CCDC171: variants seen among roughly 807,000 people sequenced by gnomAD.
The protein encoded by CCDC171 is coiled-coil domain-containing protein 171.
Under a neutral mutation model 168.2 loss-of-function variants are expected in CCDC171, and 177 were observed. That is an observed-to-expected ratio of 1.05 (90% CI 0.93 to 1.19). CCDC171 has a LOEUF of 1.19. Ranked by LOEUF, CCDC171 falls within the 50% of genes most tolerant of loss-of-function variation. The pLI is 0.00. For missense variants in CCDC171, 1,991 were observed against 1,539.0 expected (o/e 1.29, Z -4.91); for synonymous variants, 687 against 540.8 (o/e 1.27, Z -3.75).
At chr9:15,813,703 A>T (rs2059450006) in intron 21 of CCDC171, among the ~76,000 whole-genome samples, 1 of 151,974 alleles carries the variant, frequency 6.6e-6, no homozygotes, top group Non-Finnish European at 1.5e-5. Context: ...AGATCTACCT[A>T]TTTATTATTT....
At chr9:16,096,674 G>C in the CCDC171 span, among the ~76,000 whole-genome samples, 15,136 of 152,206 alleles carry the variant, frequency 0.099, 1,711 homozygotes, top group African/African-American at 0.28. Context: ...TACTGCCTCT[G>C]TTCAGTGGGG....
rs74336370 is a variant in CCDC171 at position 15,714,182 on chromosome 9, A to G, written c.1319-7587A>G. ...AGGAATCACCATGCCTTTATCTTTC[A>G]ATCCTTTAAAAGGCAGTAATCTCTA... On this transcript the variant is annotated intron_variant, in intron 11 of 25. Transcript: ENST00000380701. Among the ~76,000 whole-genome samples the G allele has an allele frequency of 8.9e-3, 1,358 of 152,288 alleles. 16 individuals carry two copies. Among genetic ancestry groups the G allele is most frequent in the African/African-American group, 0.031 (1,298 of 41,548 alleles).
chr9:15,818,966 G>A (rs2059661160), intron 21 of CCDC171, among the ~76,000 whole-genome samples: 1 of 117,320 alleles, frequency 8.5e-6, no homozygotes, highest in Non-Finnish European at 1.9e-5. Flanking sequence ...ACCCACAAAG[G>A]GAAGCCCATC....
intron 23 of CCDC171, among the ~76,000 whole-genome samples, chr9:15,859,505 C>T (rs925319627): frequency 6.6e-6 from 1 of 151,756 alleles, no homozygotes; most frequent in Non-Finnish European, 1.5e-5. Flanking sequence ...TCAGTAAAGC[C>T]ACCTGGTCCT....
At chr9:15,674,779 A>G (rs2049392301) in intron 9 of CCDC171, among the ~76,000 whole-genome samples, 1 of 152,150 alleles carries the variant, frequency 6.6e-6, no homozygotes, top group Admixed American at 6.5e-5. Flanking sequence ...TTTATTTCCA[A>G]TTATGTGGTC....
At chr9:15,831,138 T>G (rs1352898780) in intron 21 of CCDC171, among the ~76,000 whole-genome samples, 1 of 151,304 alleles carries the variant, frequency 6.6e-6, no homozygotes, top group African/African-American at 2.4e-5. Flanking sequence ...CCCGGCTAAT[T>G]TTTTTTTGTA....
At chr9:15,619,097 G>A (rs2044316111) in intron 6 of CCDC171, among the ~76,000 whole-genome samples, 1 of 151,958 alleles carries the variant, frequency 6.6e-6, no homozygotes. Flanking sequence ...CTGTCCAGCC[G>A]TTCTTCCAAC....
intron 20 of CCDC171, among the ~76,000 whole-genome samples, 157 bp downstream of exon 20, chr9:15,779,307 A>T (rs1422633952): frequency 6.6e-6 from 1 of 152,116 alleles, no homozygotes; most frequent in Non-Finnish European, 1.5e-5. Context: ...CCTGTCTAAA[A>T]TGCCTCTAAT....
At chr9:15,718,246 C>T (rs546099727) in intron 11 of CCDC171, among the ~76,000 whole-genome samples, 1 of 152,248 alleles carries the variant, frequency 6.6e-6, no homozygotes, top group Non-Finnish European at 1.5e-5. Flanking sequence ...AGAGACTCCT[C>T]TGCTATGGAA....
At chr9:15,811,115 A>G (rs1356120326) in intron 21 of CCDC171, among the ~76,000 whole-genome samples, 1 of 152,240 alleles carries the variant, frequency 6.6e-6, no homozygotes, top group Non-Finnish European at 1.5e-5. Context: ...CCTGTAGCAG[A>G]CCTGTTGGGC....
intron 3 of CCDC171, among the ~76,000 whole-genome samples, chr9:15,573,714 T>G (rs770798949): frequency 3.7e-4 from 57 of 152,202 alleles, no homozygotes; most frequent in Non-Finnish European, 5.9e-4. Context: ...TAAAACCAAA[T>G]GCACATTTTA....
chr9:15,763,071 A>G (rs956043301), intron 18 of CCDC171, among the ~76,000 whole-genome samples: 1 of 152,222 alleles, frequency 6.6e-6, no homozygotes, highest in Non-Finnish European at 1.5e-5. Flanking sequence ...AGAACAACTC[A>G]TAGAACTCAG....
At chr9:15,742,044 G>A (rs1047135887) in intron 16 of CCDC171, among the ~76,000 whole-genome samples, 1 of 151,564 alleles carries the variant, frequency 6.6e-6, no homozygotes, top group Non-Finnish European at 1.5e-5. Context: ...TTGCTAGTTT[G>A]CCTCTTGTAT....
chr9:15,778,643 C>CAAAAAAAA (rs527592822), intron 19 of CCDC171, among the ~76,000 whole-genome samples: 15,893 of 58,668 alleles, frequency 0.27, 3,718 homozygotes, highest in East Asian at 0.47. Flanking sequence ...AAGACTGTCT[C>CAAAAAAAA]AAAAAAAAAA....
chr9:15,865,845 C>CGTGTGT (rs1285086348), intron 23 of CCDC171, among the ~76,000 whole-genome samples: 237 of 60,782 alleles, frequency 3.9e-3, no homozygotes, highest in African/African-American at 9.2e-3. Context: ...TTCAACTCTG[C>CGTGTGT]GTGCGTGTGT....
At chr9:16,039,996 A>C (rs77118994), upstream of CCDC171, among the ~76,000 whole-genome samples, 1,828 of 152,264 alleles carry the variant, frequency 0.012, 17 homozygotes, top group Non-Finnish European at 0.018. Context: ...TACTCATTAC[A>C]TGTGAGGGAC....
At position 15,647,055 on chromosome 9, in the gene CCDC171, T is replaced by C. The variant is rs187844143; in HGVS notation, c.823-10072T>C. On this transcript the variant is annotated intron_variant, in intron 7 of 25. Coordinates refer to ENST00000380701, the MANE Select transcript of CCDC171 (RefSeq NM_173550.4). ...ACAGAAATTTTGACAAAGTGTCTCT[T>C]AGACCACAGTGCAATCAAACTAGAA... Among the ~76,000 whole-genome samples, 1,014 of 152,290 alleles carry C rather than the reference T, an allele frequency of 6.7e-3. 4 individuals carry two copies. Among genetic ancestry groups the C allele is most frequent in the South Asian group, 0.015 (74 of 4,826 alleles).
At chr9:15,950,209 C>T (rs200444829) in intron 25 of CCDC171, among the ~76,000 whole-genome samples, 3 of 151,396 alleles carry the variant, frequency 2.0e-5, no homozygotes, top group East Asian at 3.9e-4. Flanking sequence ...TGCAGGATAT[C>T]ATCCAGGAGA....
chr9:15,697,464 A>G (rs756629253), intron 11 of CCDC171, among the ~76,000 whole-genome samples: 2 of 152,194 alleles, frequency 1.3e-5, no homozygotes, highest in African/African-American at 2.4e-5. Context: ...ATTGATTTAC[A>G]TAACTCCTTG....
Sources: allele counts gnomAD v4.1 joint callset (sites outside exome capture counted in the v4.1 genomes callset), GRCh38; gene constraint gnomAD v4.1.1; transcripts MANE v1.5; gene names NCBI Gene and HGNC (gene_info 2026-07-23, HGNC 2026-07-21).